The following EXOC6 variants were observed in gnomAD, a reference collection of about 807,000 sequenced individuals.
EXOC6 encodes exocyst complex component 6.
In EXOC6, 60 loss-of-function variants were observed where a neutral mutation model predicts 112.5. That is an observed-to-expected ratio of 0.53 (90% CI 0.43 to 0.66). The LOEUF (loss-of-function observed/expected upper bound fraction) is 0.66. EXOC6 is among the 30% of genes least tolerant of loss of function. The pLI is 0.00. For synonymous variants in EXOC6, 295 were observed against 308.0 expected (o/e 0.96, Z 0.44); for missense variants, 855 against 957.1 (o/e 0.89, Z 1.41).
rs562202820 is a variant in EXOC6 at position 92,839,415 on chromosome 10, G to T, written c.86+4591G>T. 2.0e-5 allele frequency among the ~76,000 whole-genome samples: 3 copies of T among 152,140 alleles called. No individual in the cohort carries two copies. In the East Asian group the frequency reaches 5.8e-4, roughly 29 times the overall value. ...CAGTATTATCAAATTCCTTGCACAA[G>T]GATGGTCAATAGGTTTCAAGTAGCA... On this transcript the variant is annotated intron_variant, in intron 1 of 21. Coordinates refer to the EXOC6 transcript ENST00000371552.
chr10:92,934,313 C>G lies in EXOC6; in HGVS notation c.1023C>G (p.Phe341Leu), dbSNP rs778248794. ...YRRYFTQIVGFFVVEDHILHV... is the reference protein window; with the variant it reads ...YRRYFTQIVGLFVVEDHILHV... The stretch of plus-strand genomic sequence containing the variant: ...CTTTGGTAATTACTGTTTTTAGGTT[C>G]TTTGTGGTAGAAGATCACATTTTAC... Residue 341 changes from phenylalanine to leucine, a missense_variant, in exon 11 of 22, where the codon TTC (phenylalanine) becomes TTG (leucine). Phe to Leu is a conservative substitution (Grantham distance 22). Around this residue, in one of 2 missense-constraint regions of EXOC6, gnomAD observed 450 missense variants for 563.5 expected, o/e 0.80. Transcript: ENST00000260762. 1 of 1,569,334 alleles carries G rather than the reference C, an allele frequency of 6.4e-7. No individual in the cohort carries two copies. Among genetic ancestry groups the G allele is most frequent in the Non-Finnish European group, 8.6e-7 (1 of 1,164,590 alleles).
chr10:92,971,959 G>T (rs1430346069), intron 17 of EXOC6, among the ~76,000 whole-genome samples: 5 of 152,128 alleles, frequency 3.3e-5, no homozygotes, highest in African/African-American at 1.2e-4. Flanking sequence ...TCTCCCATCT[G>T]TTGTTTGTTT....
intron 1 of EXOC6, among the ~76,000 whole-genome samples, chr10:92,869,949 CTTTT>C (rs34082304): frequency 2.0e-5 from 2 of 100,014 alleles, no homozygotes; most frequent in Non-Finnish European, 2.0e-5. Flanking sequence ...GGCTTGTGGG[CTTTT>C]TTTTTTTTTT....
intron 7 of EXOC6, among the ~76,000 whole-genome samples, chr10:92,917,884 G>A (rs1013876724): frequency 1.3e-5 from 2 of 152,178 alleles, no homozygotes; most frequent in Admixed American, 1.3e-4. Context: ...TGATGCCGTG[G>A]CTCATGCCTG....
chr10:92,872,060 G>A (rs1848475617), intron 1 of EXOC6, among the ~76,000 whole-genome samples: 1 of 151,540 alleles, frequency 6.6e-6, no homozygotes, highest in Admixed American at 6.6e-5. Context: ...TATTTTTAAT[G>A]ATTCTTTCCA....
At chr10:92,985,920 G>A (rs1842984931) in intron 18 of EXOC6, among the ~76,000 whole-genome samples, 1 of 151,844 alleles carries the variant, frequency 6.6e-6, no homozygotes, top group South Asian at 2.1e-4. Flanking sequence ...TATGACGTAG[G>A]CAGCTTTGAA....
intron 17 of EXOC6, among the ~76,000 whole-genome samples, chr10:92,960,226 T>C (rs1853908954): frequency 6.6e-6 from 1 of 152,186 alleles, no homozygotes; most frequent in Non-Finnish European, 1.5e-5. Context: ...GAAACTTAAA[T>C]GCATATTATT....
At chr10:93,016,047 TA>T (rs971784623) in intron 20 of EXOC6, among the ~76,000 whole-genome samples, 43 of 152,192 alleles carry the variant, frequency 2.8e-4, no homozygotes, top group African/African-American at 9.2e-4. Flanking sequence ...TATCAAAGAA[TA>T]AAAAAAATTT....
At chr10:92,841,125 C>G (rs1234810072) in intron 1 of EXOC6, among the ~76,000 whole-genome samples, 4 of 152,142 alleles carry the variant, frequency 2.6e-5, no homozygotes, top group Non-Finnish European at 5.9e-5. Flanking sequence ...TTAATTATAG[C>G]CACCATTCTG....
chr10:92,866,923 T>TA (rs1209572606), intron 1 of EXOC6, among the ~76,000 whole-genome samples: 3 of 152,324 alleles, frequency 2.0e-5, no homozygotes, highest in South Asian at 4.2e-4. Flanking sequence ...TCTATTTATA[T>TA]AAGTACTTAT....
chr10:92,933,044 C>T (rs1852137601), intron 9 of EXOC6, among the ~76,000 whole-genome samples: 1 of 152,008 alleles, frequency 6.6e-6, no homozygotes. Flanking sequence ...GGAATAGAAA[C>T]AGGGTATATA....
intron 18 of EXOC6, among the ~76,000 whole-genome samples, chr10:92,975,926 T>A (rs1253505936): frequency 9.8e-6 from 1 of 102,514 alleles, no homozygotes; most frequent in Non-Finnish European, 2.1e-5. Flanking sequence ...GGTGGGGGGG[T>A]CAGCCCCCCG....
intron 18 of EXOC6, among the ~76,000 whole-genome samples, chr10:92,980,675 A>T (rs1842794416): frequency 6.6e-6 from 1 of 152,230 alleles, no homozygotes; most frequent in Non-Finnish European, 1.5e-5. Flanking sequence ...TAACAGTCAG[A>T]TGCTAGCTAA....
rs1480711053 is a variant in EXOC6 at position 92,909,446 on chromosome 10, AC to A, written c.479del (p.Thr160IlefsTer5). ...SAKRYYSALK[T>X]MEQLENVYFP... ...TCACAGGTACTATTCTGCCCTAAAA[AC>A]TATGGAACAATTAGAGAATGTGTAC... On this transcript the variant is annotated frameshift_variant, in exon 6 of 22. Transcript: ENST00000260762. LOFTEE classifies it high-confidence loss of function. The A allele has an allele frequency of 6.8e-6, 11 of 1,612,432 alleles. No individual in the cohort carries two copies. The highest frequency in any genetic ancestry group is 9.3e-6 in the Non-Finnish European group (11 of 1,179,262).
At chr10:92,917,735 G>C (rs1851185624) in intron 7 of EXOC6, among the ~76,000 whole-genome samples, 1 of 152,028 alleles carries the variant, frequency 6.6e-6, no homozygotes, top group African/African-American at 2.4e-5. Context: ...GTCTCACTAT[G>C]TTACCAAGGC....
intron 17 of EXOC6, among the ~76,000 whole-genome samples, chr10:92,957,129 A>C (rs1162101700): frequency 6.6e-6 from 1 of 152,116 alleles, no homozygotes; most frequent in Non-Finnish European, 1.5e-5. Context: ...GGACAAATTG[A>C]TTGTTAGCTT....
intron 17 of EXOC6, among the ~76,000 whole-genome samples, chr10:92,969,540 T>G (rs565504291): frequency 1.2e-4 from 19 of 152,286 alleles, no homozygotes; most frequent in African/African-American, 4.6e-4. Context: ...GATTCCTATT[T>G]TTCCATATCA....
At chr10:92,868,413 TTGTCTATA>T (rs1341613828) in intron 1 of EXOC6, among the ~76,000 whole-genome samples, 1 of 152,168 alleles carries the variant, frequency 6.6e-6, no homozygotes, top group Non-Finnish European at 1.5e-5. Flanking sequence ...GTTCTGTTCA[TTGTCTATA>T]TGTCTATTCA....
chr10:92,971,677 T>G (rs541562302), intron 17 of EXOC6, among the ~76,000 whole-genome samples: 45 of 152,154 alleles, frequency 3.0e-4, no homozygotes, highest in Non-Finnish European at 4.4e-4. Flanking sequence ...ATTGTACTTT[T>G]TAATAATTTC....
Sources: gnomAD v4.1 joint callset for allele counts (sites outside exome capture counted in the v4.1 genomes callset) on GRCh38, gnomAD v4.1.1 for gene constraint, gnomAD v4.1.1 regional missense constraint, MANE v1.5 for transcripts, NCBI Gene and HGNC (gene_info 2026-07-23, HGNC 2026-07-21) for gene names.